CSMD1: variants seen among roughly 807,000 people sequenced by gnomAD.
The protein encoded by CSMD1 is CUB and Sushi multiple domains 1, also known as CUB and sushi domain-containing protein 1.
Under a neutral mutation model 417.5 loss-of-function variants are expected in CSMD1, and 213 were observed. The ratio of observed to expected loss-of-function variants is 0.51; its 90% CI spans 0.46 to 0.57. The LOEUF is 0.57. Among genes scored for constraint, CSMD1 ranks in the 20% least tolerant of loss-of-function variants. The probability of loss-of-function intolerance (pLI) is 0.00; values close to 1 mark genes in which losing one functional copy is unlikely to be tolerated. For synonymous variants in CSMD1, 2,862 were observed against 1,736.8 expected, an observed-to-expected ratio of 1.65 and a Z score of -16.11; for missense variants, 6,923 against 4,529.7, an observed-to-expected ratio of 1.53 and a Z score of -15.17.
intron 17 of CSMD1, among the ~76,000 whole-genome samples, chr8:3,392,860 C>T (rs1159387609): frequency 6.6e-6 from 1 of 152,120 alleles, no homozygotes; most frequent in African/African-American, 2.4e-5. Flanking sequence ...ACACCACCCA[C>T]AGAAATAGCA....
chr8:3,382,944 G>A (rs999973251), intron 18 of CSMD1, among the ~76,000 whole-genome samples: 1 of 152,066 alleles, frequency 6.6e-6, no homozygotes, highest in African/African-American at 2.4e-5. Flanking sequence ...AAATGACAAA[G>A]AAAACATGAT....
At chr8:4,888,224 A>T (rs1225673395) in intron 1 of CSMD1, among the ~76,000 whole-genome samples, 1 of 152,102 alleles carries the variant, frequency 6.6e-6, no homozygotes, top group East Asian at 1.9e-4. Flanking sequence ...AAAAATAGAA[A>T]GAAAATAAAG....
chr8:4,703,429 G>C (rs775144483), intron 1 of CSMD1, among the ~76,000 whole-genome samples: 4 of 152,148 alleles, frequency 2.6e-5, no homozygotes, highest in South Asian at 2.1e-4. Flanking sequence ...TTCGTACTTA[G>C]AACATGCATG....
At chr8:3,676,722 C>A (rs1799393647) in intron 7 of CSMD1, among the ~76,000 whole-genome samples, 1 of 152,090 alleles carries the variant, frequency 6.6e-6, no homozygotes, top group South Asian at 2.1e-4. Context: ...TCAGTGTGAT[C>A]ATTGAAATAC....
Position 3,482,566 on chromosome 8 carries a change from A to G in CSMD1, c.1448+11057T>C, listed in dbSNP as rs554147557. On this transcript the variant is annotated intron_variant, in intron 11 of 69. Transcript: ENST00000635120. ...GAGAAAAATAGCAACCTCCACAAGT[A>G]TAGTTGAAAACTTTAGCACCCTTAG... Among the ~76,000 whole-genome samples the G allele has an allele frequency of 1.2e-4, 18 of 152,364 alleles. 1 individual carries two copies. The South Asian group carries it at 3.7e-3, about 32-fold the overall frequency.
At chr8:3,070,872 T>A (rs946089717) in intron 49 of CSMD1, among the ~76,000 whole-genome samples, 3 of 152,252 alleles carry the variant, frequency 2.0e-5, no homozygotes, top group Non-Finnish European at 4.4e-5. Context: ...TACATTGCTA[T>A]AAAGCAATAC....
chr8:4,909,720 T>C (rs1179514428), intron 1 of CSMD1, among the ~76,000 whole-genome samples: 1 of 152,186 alleles, frequency 6.6e-6, no homozygotes, highest in Non-Finnish European at 1.5e-5. Flanking sequence ...CTCATGAAAG[T>C]GACCATTTAA....
At chr8:4,126,950 G>A (rs1802798944) in intron 3 of CSMD1, among the ~76,000 whole-genome samples, 2 of 151,962 alleles carry the variant, frequency 1.3e-5, no homozygotes, top group African/African-American at 4.8e-5. Context: ...GACCCTGCAG[G>A]TGAGGACCTA....
intron 17 of CSMD1, among the ~76,000 whole-genome samples, chr8:3,394,020 A>T (rs1218841972): frequency 0.028 from 1,458 of 51,972 alleles, 95 homozygotes; most frequent in African/African-American, 0.12. Context: ...AATTATATAT[A>T]TATATATATA....
intron 26 of CSMD1, among the ~76,000 whole-genome samples, chr8:3,237,487 C>T (rs1012385678): frequency 1.4e-5 from 2 of 147,930 alleles, no homozygotes; most frequent in Admixed American, 6.8e-5. Flanking sequence ...CACAACTTTG[C>T]ATATAAATAA....
chr8:3,840,869 A>G (rs1255424621), intron 5 of CSMD1, among the ~76,000 whole-genome samples: 4 of 151,408 alleles, frequency 2.6e-5, no homozygotes, highest in Admixed American at 1.3e-4. Context: ...GACTACGCCC[A>G]TTAATTTTTG....
intron 1 of CSMD1, among the ~76,000 whole-genome samples, chr8:4,927,217 G>T (rs11989036): frequency 0.32 from 48,072 of 151,090 alleles, 8,229 homozygotes; most frequent in Middle Eastern, 0.44. Context: ...AGTGCTTTTT[G>T]GCTAATTTTT....
chr8:3,114,791 A>G (rs1460397), intron 42 of CSMD1, among the ~76,000 whole-genome samples: 58,760 of 152,068 alleles, frequency 0.39, 16,292 homozygotes, highest in African/African-American at 0.78. Context: ...AATTTAAAAA[A>G]TATGTATGTA....
chr8:4,895,880 T>G (rs1311922549), intron 1 of CSMD1, among the ~76,000 whole-genome samples: 1 of 152,146 alleles, frequency 6.6e-6, no homozygotes, highest in Non-Finnish European at 1.5e-5. Flanking sequence ...CTTTTGTTAC[T>G]TCCCCTGTTG....
At chr8:3,375,968 GC>G (rs1810278465) in intron 18 of CSMD1, among the ~76,000 whole-genome samples, 1 of 152,044 alleles carries the variant, frequency 6.6e-6, no homozygotes, top group Non-Finnish European at 1.5e-5. Flanking sequence ...TTGCCTCCAA[GC>G]TTTCGATATC....
chr8:3,046,768 G>C (rs1811473099), intron 50 of CSMD1, among the ~76,000 whole-genome samples: 1 of 152,162 alleles, frequency 6.6e-6, no homozygotes, highest in Admixed American at 6.6e-5. Context: ...GTGATGCCCA[G>C]CCACATCTGT....
rs571984359 is a variant in CSMD1 at position 4,795,252 on chromosome 8, C to CTTT, written c.86-157697_86-157695dup. ...ATTTCTAGGTCTGCTGGTGTCATAG[C>CTTT]TTTTTTTTTTTTTTTTTTTTTTTTT... is the stretch of plus-strand genomic sequence containing the variant. On this transcript the variant is annotated intron_variant, in intron 1 of 69. Transcript: ENST00000635120. 6.5e-4 allele frequency among the ~76,000 whole-genome samples: 30 copies of CTTT among 46,250 alleles called. 5 individuals carry two copies. Among genetic ancestry groups the CTTT allele is most frequent in the Non-Finnish European group, 8.3e-4 (20 of 23,984 alleles). 30.3% of individuals were successfully genotyped at this position (46,250 alleles called of 152,430 possible). A position where few individuals can be genotyped will look rare whatever the true frequency, so the allele number is the denominator to read the frequency against.
chr8:3,935,134 G>C (rs1160678354), intron 5 of CSMD1, among the ~76,000 whole-genome samples: 2 of 152,080 alleles, frequency 1.3e-5, no homozygotes, highest in Admixed American at 6.6e-5. Context: ...CTGTATGTCA[G>C]AAGTAAGATT....
intron 3 of CSMD1, among the ~76,000 whole-genome samples, chr8:4,167,852 A>C (rs141084298): frequency 1.3e-5 from 2 of 152,080 alleles, no homozygotes; most frequent in Non-Finnish European, 1.5e-5. Context: ...AAAAGGCCAG[A>C]CATGATGGCT....
Sources: allele counts gnomAD v4.1 joint callset (sites outside exome capture counted in the v4.1 genomes callset), GRCh38; gene constraint gnomAD v4.1.1; transcripts MANE v1.5; gene names NCBI Gene and HGNC (gene_info 2026-07-23, HGNC 2026-07-21).